The following LMAN1 variants were observed in gnomAD, a reference collection of about 807,000 sequenced individuals.
The protein encoded by LMAN1 is protein ERGIC-53.
A neutral mutation model predicts 67.8 loss-of-function variants in LMAN1; 32 were observed. The observed-to-expected ratio is 0.47, with a 90% CI of 0.36 to 0.63. The LOEUF (loss-of-function observed/expected upper bound fraction) is 0.63, where lower values mean the gene tolerates loss of function less well. LMAN1 is among the 30% of genes least tolerant of loss of function. The probability of loss-of-function intolerance (pLI) is 0.00; values close to 1 mark genes in which losing one functional copy is unlikely to be tolerated. For synonymous variants in LMAN1, 235 were observed against 219.3 expected, an observed-to-expected ratio of 1.07 and a Z score of -0.63; for missense variants, 632 against 628.2, an observed-to-expected ratio of 1.01 and a Z score of -0.06.
At chr18:59,333,962 A>G (rs1465675238) in intron 10 of LMAN1, among the ~76,000 whole-genome samples, 1 of 152,230 alleles carries the variant, frequency 6.6e-6, no homozygotes, top group African/African-American at 2.4e-5. Flanking sequence ...GTGAAGACTT[A>G]AAAGTAGTTA....
In LMAN1 at chr18:59,354,565, T is replaced by G. The variant is rs556745761; in HGVS notation, c.493A>C (p.Ile165Leu). The G allele has an allele frequency of 6.8e-7, 1 of 1,475,064 alleles. No homozygotes were observed. Among genetic ancestry groups the G allele is most frequent in the Admixed American group, 1.7e-5 (1 of 59,112 alleles). 91.4% of individuals were successfully genotyped at this position (1,475,064 alleles called of 1,614,324 possible). Residue 165 changes from isoleucine to leucine, a missense_variant, in exon 4 of 13, where the codon ATA becomes CTA. Physicochemically the swap from Ile to Leu is conservative, Grantham distance 5. Coordinates refer to ENST00000251047, the MANE Select transcript of LMAN1 (RefSeq NM_005570.4). The part of the protein sequence containing the change: ...DNDGKKNNPA[I>L]VIIGNNGQIH... ...TGTCCATTGTTGCCTATAATTACTA[T>G]AGCAGGATTATTTTTCTAAAAAAAA...
At chr18:59,337,773 T>C (rs1568113352) in intron 10 of LMAN1, among the ~76,000 whole-genome samples, 1 of 152,248 alleles carries the variant, frequency 6.6e-6, no homozygotes, top group Non-Finnish European at 1.5e-5. Context: ...AATTTGCAGT[T>C]ATAAGTTAAG....
intron 10 of LMAN1, among the ~76,000 whole-genome samples, chr18:59,333,850 A>T (rs1185581025): frequency 3.3e-5 from 5 of 149,472 alleles, no homozygotes; most frequent in African/African-American, 1.3e-4. Context: ...CTTTACCAAA[A>T]GAAAAAAAAA....
At chr18:59,352,766 G>A (rs1908571568) in intron 5 of LMAN1, 1 of 208,986 alleles carries the variant, frequency 4.8e-6, no homozygotes, top group African/African-American at 2.3e-5. Context: ...AGGACCGCTT[G>A]ATAGTGTCTG....
Position 59,354,512 on chromosome 18 carries a change from C to T in LMAN1, c.539+7G>A. The T allele has an allele frequency of 2.1e-6, 3 of 1,454,878 alleles. No homozygotes were observed. The highest frequency in any genetic ancestry group is 2.9e-6 in the Non-Finnish European group (3 of 1,035,422). The allele number at this position is 1,454,878 out of a possible 1,614,324, so 90.1% of individuals were successfully genotyped here. A position where few individuals can be genotyped will look rare whatever the true frequency, so the allele number is the denominator to read the frequency against. ...AATCAGGAGTAATGTAAAAAACACA[C>T]ACTTACTTTTGATGGTCATAATGGA... On this transcript the variant is annotated splice_region_variant and intron_variant, in intron 4 of 12. Coordinates refer to ENST00000251047, the MANE Select transcript of LMAN1 (RefSeq NM_005570.4).
At position 59,353,203 on chromosome 18, in the gene LMAN1, G is replaced by A. The variant is rs144038994; in HGVS notation, c.638C>T (p.Thr213Ile). Reference sequence around the variant, plus strand: ...TCTCTCTAAATAGATGTTACTTACTGTCAGTGTGTTCTGGTAATAGGTAAT... The same window carrying A: ...TCTCTCTAAATAGATGTTACTTACTATCAGTGTGTTCTGGTAATAGGTAAT... The part of the protein sequence containing the change: ...AKITYYQNTL[T>I]VMINNGFTPD... Residue 213 changes from threonine to isoleucine, a missense_variant and splice_region_variant, in exon 5 of 13, where the codon ACA becomes ATA. Thr to Ile is a moderately conservative substitution (Grantham distance 89). Transcript: ENST00000251047. The A allele has an allele frequency of 8.9e-5, 143 of 1,606,842 alleles. No individual in the cohort carries two copies. In the East Asian group the frequency reaches 1.7e-3, roughly 19 times the overall value.
chr18:59,352,122 T>C (rs1444949284), intron 5 of LMAN1, among the ~76,000 whole-genome samples: 1 of 152,214 alleles, frequency 6.6e-6, no homozygotes, highest in East Asian at 1.9e-4. Context: ...GTGATCTTAG[T>C]TATCATAACT....
In LMAN1 at chr18:59,329,212, T is replaced by C. The variant is rs1032048346; in HGVS notation, c.*1881A>G. The C allele has an allele frequency of 2.0e-5, 3 of 152,208 alleles. No homozygotes were observed. The highest frequency in any genetic ancestry group is 7.2e-5 in the African/African-American group (3 of 41,464). The allele number at this position is 152,208 out of a possible 1,614,324, so 9.4% of individuals were successfully genotyped here. ...CTAAGTATAAAAGATAAAAGGCTCA[T>C]GCTCATGCTGTTTCATAATAGCCAT... On this transcript the variant is annotated 3_prime_UTR_variant, in exon 13 of 13. Transcript: ENST00000251047.
At chr18:59,354,602 T>A (rs762513550) in intron 3 of LMAN1, 22 bp from the exon 4 acceptor site, 7 of 1,195,556 alleles carry the variant, frequency 5.9e-6, no homozygotes, top group South Asian at 1.2e-5. Flanking sequence ...GAAAACATTT[T>A]AAAAAATGTC....
intron 5 of LMAN1, 144 bp from the exon 6 acceptor site, chr18:59,349,380 T>C (rs1908492243): frequency 4.1e-6 from 3 of 736,840 alleles, no homozygotes; most frequent in Admixed American, 2.7e-5. Flanking sequence ...GGTGTCAATA[T>C]ACAATATATT....
chr18:59,347,863 T>C (rs1255137232), intron 6 of LMAN1, among the ~76,000 whole-genome samples: 1 of 152,190 alleles, frequency 6.6e-6, no homozygotes, highest in Admixed American at 6.5e-5. Flanking sequence ...TGATAAGAAA[T>C]GAACAAACAA....
At chr18:59,349,058 T>C in intron 6 of LMAN1, 55 bp downstream of exon 6, 1 of 1,602,036 alleles carries the variant, frequency 6.2e-7, no homozygotes, top group Non-Finnish European at 8.6e-7. Context: ...TAATATACTA[T>C]TCCCAATAAA....
intron 8 of LMAN1, among the ~76,000 whole-genome samples, chr18:59,339,267 G>C (rs963595526): frequency 6.6e-6 from 1 of 152,064 alleles, no homozygotes; most frequent in African/African-American, 2.4e-5. Flanking sequence ...CCTCCTCCAC[G>C]GAGAAAAACC....
intron 1 of LMAN1, among the ~76,000 whole-genome samples, chr18:59,356,346 T>C (rs1603396281): frequency 6.6e-6 from 1 of 152,212 alleles, no homozygotes; most frequent in South Asian, 2.1e-4. Context: ...TACTACTTAC[T>C]AGCTGTTTGA....
intron 8 of LMAN1, among the ~76,000 whole-genome samples, chr18:59,343,654 G>A (rs1908336911): frequency 6.6e-6 from 1 of 152,028 alleles, no homozygotes; most frequent in Non-Finnish European, 1.5e-5. Context: ...ATTAACTCAA[G>A]ATGGATTAAA....
At position 59,330,149 on chromosome 18, in the gene LMAN1, CAA is replaced by C. The variant is rs1348381215; in HGVS notation, c.*942_*943del. On this transcript the variant is annotated 3_prime_UTR_variant, in exon 13 of 13. Transcript: ENST00000251047. The stretch of plus-strand genomic sequence containing the variant: ...AGCCTCCTTGATTTAAAAGAGTATG[CAA>C]ATGGTCACTAACCCCAGCCAGCATG... The C allele has an allele frequency of 3.9e-5, 6 of 152,570 alleles. No homozygotes were observed. Among genetic ancestry groups the C allele is most frequent in the Non-Finnish European group, 8.8e-5 (6 of 68,012 alleles). 9.5% of individuals were successfully genotyped at this position (152,570 alleles called of 1,614,324 possible).
intron 7 of LMAN1, among the ~76,000 whole-genome samples, chr18:59,346,348 G>T (rs916824087): frequency 6.6e-6 from 1 of 150,810 alleles, no homozygotes; most frequent in South Asian, 2.1e-4. Context: ...AGCCTCCCGA[G>T]TAGCTGGGAC....
Position 59,358,286 on chromosome 18 carries a change from T to G in LMAN1, c.214+745A>C, listed in dbSNP as rs1205497489. 3.3e-5 allele frequency among the ~76,000 whole-genome samples: 5 copies of G among 152,216 alleles called. No individual in the cohort carries two copies. In the East Asian group the frequency reaches 7.7e-4, roughly 23 times the overall value. On this transcript the variant is annotated intron_variant, in intron 1 of 12. Transcript: ENST00000251047. ...AATGCTTCCAATTTTTTTAAAGGGC[T>G]AAAAATGTAATGCTATTCTTAGTCT...
At chr18:59,341,558 T>C (rs1908286535) in intron 8 of LMAN1, among the ~76,000 whole-genome samples, 1 of 152,046 alleles carries the variant, frequency 6.6e-6, no homozygotes, top group South Asian at 2.1e-4. Context: ...CTTAAGAAAC[T>C]AAACAAACAC....
Sources: gnomAD v4.1 joint callset for allele counts (sites outside exome capture counted in the v4.1 genomes callset) on GRCh38, gnomAD v4.1.1 for gene constraint, MANE v1.5 for transcripts, NCBI Gene and HGNC (gene_info 2026-07-23, HGNC 2026-07-21) for gene names.